FKBP15: variants seen among roughly 807,000 people sequenced by gnomAD.
FKBP15 encodes FKBP prolyl isomerase family member 15.
FKBP15 carries 106 observed loss-of-function variants against 158.1 expected under a neutral mutation model. That is an observed-to-expected ratio of 0.67 (90% CI 0.57 to 0.79). The LOEUF (loss-of-function observed/expected upper bound fraction) is 0.79, where lower values mean the gene tolerates loss of function less well. Ranked by LOEUF, FKBP15 falls within the 30% of genes least tolerant of loss-of-function variation. The probability of loss-of-function intolerance (pLI) is 0.00; values close to 1 mark genes in which losing one functional copy is unlikely to be tolerated. For synonymous variants in FKBP15, 547 were observed against 548.6 expected, an observed-to-expected ratio of 1.00 and a Z score of 0.04; for missense variants, 1,287 against 1,479.1, an observed-to-expected ratio of 0.87 and a Z score of 2.13.
chr9:113,169,272 G>A lies in FKBP15; in HGVS notation c.3437C>T (p.Thr1146Ile). The change falls in exon 26 of 28, where the codon ACA becomes ATA. Residue 1146 changes from threonine (T) to isoleucine (I), a missense_variant. Coordinates refer to ENST00000238256, the MANE Select transcript of FKBP15 (RefSeq NM_015258.2). ...GGGTCTGAGGGCTGCTCCTGCAACT[G>A]TGGAACCTGCCTCTGTGCTTGACAG... ...KELSSTEAGSTVAGAALRPSH... is the reference protein window; with the variant it reads ...KELSSTEAGSIVAGAALRPSH... The A allele has an allele frequency of 6.2e-6, 10 of 1,614,040 alleles. No homozygotes were observed. Among genetic ancestry groups the A allele is most frequent in the Non-Finnish European group, 8.5e-6 (10 of 1,179,888 alleles).
chr9:113,203,095 AAT>A, intron 4 of FKBP15, 60 bp from the exon 5 acceptor site: 1 of 1,162,016 alleles, frequency 8.6e-7, no homozygotes. Flanking sequence ...GTTAAAAGGC[AAT>A]ATAAAATCAG....
At position 113,207,193 on chromosome 9, in the gene FKBP15, T is replaced by C. The variant is rs1300306077; in HGVS notation, c.254+19A>G. The C allele has an allele frequency of 5.0e-6, 8 of 1,600,686 alleles. No homozygotes were observed. The highest frequency in any genetic ancestry group is 1.7e-5 in the Admixed American group (1 of 59,796). ...CCCTTCCACCAAACTTCAGAGGGTG[T>C]TCCTTCTCAGCGACTTACTATCGAT... On this transcript the variant is annotated intron_variant, in intron 3 of 27. Coordinates refer to ENST00000238256, the MANE Select transcript of FKBP15 (RefSeq NM_015258.2).
rs775765238 is a variant in FKBP15 at position 113,176,595 on chromosome 9, ACCTTGAGTT to A, written c.2156_2164del (p.Glu719_Lys721del). 3 of 1,584,124 alleles carry A rather than the reference ACCTTGAGTT, an allele frequency of 1.9e-6. No individual in the cohort carries two copies. Among genetic ancestry groups the A allele is most frequent in the Non-Finnish European group, 2.6e-6 (3 of 1,162,530 alleles). ...AGTCAGTTCCTCCTCCAGGGATGTCACCTTGAGTTCCAGTTGTTTCCGGTTCTGCTTTTC... is the reference window on the plus strand; with the variant it reads ...AGTCAGTTCCTCCTCCAGGGATGTCACCAGTTGTTTCCGGTTCTGCTTTTC... On this transcript the variant is annotated inframe_deletion, in exon 21 of 28. Transcript: ENST00000238256.
chr9:113,166,140 G>C lies in FKBP15; in HGVS notation c.3598C>G (p.Pro1200Ala). 1 of 1,613,264 alleles carries C rather than the reference G, an allele frequency of 6.2e-7. No individual in the cohort carries two copies. The highest frequency in any genetic ancestry group is 8.5e-7 in the Non-Finnish European group (1 of 1,179,616). Reference protein sequence around the residue: ...DEDEVSMKGRPPPTPLFGDDD... With the variant: ...DEDEVSMKGRAPPTPLFGDDD... ...TCTCCAAAAAGGGGCGTTGGGGGCG[G>C]GCGTCCCTTCATGCTCTGATAAAAC... Residue 1200 changes from proline to alanine, a missense_variant, in exon 28 of 28, where the codon CCG becomes GCG. Transcript: ENST00000238256.
chr9:113,163,156 G>A lies in FKBP15; in HGVS notation c.*2922C>T, dbSNP rs545652851. The A allele has an allele frequency of 2.8e-6, 1 of 355,812 alleles. No homozygotes were observed. The highest frequency in any genetic ancestry group is 4.6e-5 in the East Asian group (1 of 21,600). The allele number at this position is 355,812 out of a possible 1,614,324, so 22.0% of individuals were successfully genotyped here. ...GGTCTTGTGTCTTAAGACAGCTGCT[G>A]TGACCAAAGGGAGAATGGAGATAAC... On this transcript the variant is annotated 3_prime_UTR_variant, in exon 28 of 28. Transcript: ENST00000238256.
chr9:113,197,926 A>C (rs1830717591), intron 8 of FKBP15, among the ~76,000 whole-genome samples: 1 of 152,248 alleles, frequency 6.6e-6, no homozygotes, highest in South Asian at 2.1e-4. Context: ...AAGTCTCCAT[A>C]GGATTCTGGG....
intron 2 of FKBP15, among the ~76,000 whole-genome samples, chr9:113,209,555 C>G (rs187093898): frequency 6.9e-4 from 105 of 152,282 alleles, no homozygotes; most frequent in Non-Finnish European, 1.3e-3. Flanking sequence ...CTGTAAAGGG[C>G]CTATAGGCTG....
At chr9:113,174,369 TTC>T in intron 22 of FKBP15, 57 bp downstream of exon 22, 1 of 1,554,288 alleles carries the variant, frequency 6.4e-7, no homozygotes. Context: ...CCAGAAGCTT[TTC>T]TCTCTGAGTC....
intron 10 of FKBP15, 141 bp downstream of exon 10, chr9:113,193,886 G>T: frequency 1.0e-6 from 1 of 982,176 alleles, no homozygotes; most frequent in Non-Finnish European, 1.4e-6. Context: ...TCTGATGCAA[G>T]TATCTTCCCC....
chr9:113,200,282 C>A (rs1830763216), intron 6 of FKBP15, among the ~76,000 whole-genome samples: 1 of 152,076 alleles, frequency 6.6e-6, no homozygotes, highest in Admixed American at 6.5e-5. Context: ...ATTAAATGAG[C>A]TAATATAAGT....
rs760827098 is a variant in FKBP15, at chr9:113,169,654, C to CT, written c.3054dup (p.Glu1019ArgfsTer29). The CT allele has an allele frequency of 1.9e-6, 3 of 1,614,014 alleles. No homozygotes were observed. In the South Asian group the frequency reaches 3.3e-5, roughly 18 times the overall value. On this transcript the variant is annotated frameshift_variant, in exon 26 of 28. Transcript: ENST00000238256. LOFTEE classifies it high-confidence loss of function. The stretch of plus-strand genomic sequence containing the variant: ...GGTGGAAGGGAACCATCTTTTATCT[C>CT]TGAGAGTGCCTCAGCTTCTGAGTCC...
chr9:113,214,379 T>C (rs1451322813), intron 1 of FKBP15, among the ~76,000 whole-genome samples: 1 of 152,224 alleles, frequency 6.6e-6, no homozygotes, highest in African/African-American at 2.4e-5. Context: ...AACATTAATC[T>C]TATACATCTC....
chr9:113,190,447 T>C (rs1830555065), intron 12 of FKBP15, 24 bp downstream of exon 12: 4 of 1,542,482 alleles, frequency 2.6e-6, no homozygotes, highest in Non-Finnish European at 2.7e-6. Flanking sequence ...TACTATTCAT[T>C]CTAATACAGC....
chr9:113,171,800 T>C (rs1332872901), intron 23 of FKBP15, 94 bp from the exon 24 acceptor site: 47 of 701,372 alleles, frequency 6.7e-5, no homozygotes, highest in East Asian at 4.1e-4. Context: ...TCAAGTCTCT[T>C]TTTTTTTTTT....
intron 15 of FKBP15, among the ~76,000 whole-genome samples, chr9:113,185,534 C>A (rs889867101): frequency 2.6e-5 from 4 of 152,214 alleles, no homozygotes; most frequent in African/African-American, 9.6e-5. Flanking sequence ...CTACCACTGT[C>A]CTAATACCAA....
chr9:113,187,718 A>T, intron 14 of FKBP15, 75 bp downstream of exon 14: 1 of 1,204,872 alleles, frequency 8.3e-7, no homozygotes, highest in Non-Finnish European at 1.2e-6. Flanking sequence ...TATGAAATGT[A>T]CAGGAAGAAG....
At position 113,161,759 on chromosome 9, in the gene FKBP15, G is replaced by A. The variant is rs765999043; in HGVS notation, c.*4319C>T. 9.6e-6 allele frequency: 15 copies of A among 1,567,862 alleles called. No individual in the cohort carries two copies. The South Asian group carries it at 1.0e-4, about 10-fold the overall frequency. On this transcript the variant is annotated 3_prime_UTR_variant, in exon 28 of 28. Transcript: ENST00000238256. ...TCACATTCACCCTGAGAGACAGGCT[G>A]GCCCAGACAGCATTAGCCCCACTTC...
rs77511545 is a variant in FKBP15, at chr9:113,187,492, G to A, written c.1383+301C>T. On this transcript the variant is annotated intron_variant, in intron 14 of 27. Coordinates refer to ENST00000238256, the MANE Select transcript of FKBP15 (RefSeq NM_015258.2). ...TTAGTAGAAAAGAATACAGAAGAAC[G>A]CGAATATACACGCTTCAACTGGATA... 2.2e-3 allele frequency: 651 copies of A among 294,368 alleles called. 19 individuals are homozygous for A. In the East Asian group the frequency reaches 0.045, roughly 20 times the overall value. The allele number at this position is 294,368 out of a possible 1,614,324, so 18.2% of individuals were successfully genotyped here.
At chr9:113,168,616 C>T in intron 26 of FKBP15, 60 bp from the exon 27 acceptor site, 1 of 1,472,626 alleles carries the variant, frequency 6.8e-7, no homozygotes, top group Non-Finnish European at 9.5e-7. Context: ...ACAGTACCCA[C>T]CACCTACAAG....
Sources: allele counts gnomAD v4.1 joint callset (sites outside exome capture counted in the v4.1 genomes callset), GRCh38; gene constraint gnomAD v4.1.1; transcripts MANE v1.5; gene names NCBI Gene and HGNC (gene_info 2026-07-23, HGNC 2026-07-21).